PPP2R1B: variants seen among roughly 807,000 people sequenced by gnomAD.
PPP2R1B encodes the protein serine/threonine-protein phosphatase 2A 65 kDa regulatory subunit A beta isoform.
PPP2R1B carries 58 observed loss-of-function variants against 72.7 expected under a neutral mutation model. That is an observed-to-expected ratio of 0.80 (90% CI 0.65 to 0.99). The LOEUF is 0.99. Among genes scored for constraint, PPP2R1B ranks in the 50% least tolerant of loss-of-function variants. The probability of loss-of-function intolerance (pLI) is 0.00; values close to 1 mark genes in which losing one functional copy is unlikely to be tolerated. For missense variants in PPP2R1B, 695 were observed against 733.6 expected (o/e 0.95, Z 0.61); for synonymous variants, 256 against 264.6 (o/e 0.97, Z 0.32).
In PPP2R1B at chr11:111,739,738, C is replaced by T. The variant is rs1415199621; in HGVS notation, c.*1858G>A. ...AAATATGAAATTCAATGAAGAAGAA[C>T]ATAACTTGCAGGTAACAAAAAATAA... On this transcript the variant is annotated 3_prime_UTR_variant, in exon 15 of 15. Transcript: ENST00000527614. 1.0e-6 allele frequency: 1 copy of T among 982,578 alleles called. No homozygotes were observed. The highest frequency in any genetic ancestry group is 1.2e-6 in the Non-Finnish European group (1 of 827,494). 60.9% of individuals were successfully genotyped at this position (982,578 alleles called of 1,614,324 possible).
chr11:111,747,904 T>C (rs2136063381), intron 11 of PPP2R1B, 50 bp downstream of exon 11: 1 of 1,531,166 alleles, frequency 6.5e-7, no homozygotes, highest in East Asian at 2.3e-5. Flanking sequence ...AGGAAATGTA[T>C]GAAAATCATG....
rs556195211 is a variant in PPP2R1B at position 111,754,246 on chromosome 11, A to G, written c.1029+253T>C. ...GGAATTTAAAGACAGCACTATTTCAATACTGATTAGTTGATAATGTTTCCT... is the reference window on the plus strand; with the variant it reads ...GGAATTTAAAGACAGCACTATTTCAGTACTGATTAGTTGATAATGTTTCCT... On this transcript the variant is annotated intron_variant, in intron 8 of 14. Coordinates refer to ENST00000527614, the MANE Select transcript of PPP2R1B (RefSeq NM_002716.5). Among the ~76,000 whole-genome samples, 11 of 152,338 alleles carry G rather than the reference A, an allele frequency of 7.2e-5. No homozygotes were observed. The Middle Eastern group carries it at 0.017, about 237-fold the overall frequency.
intron 10 of PPP2R1B, 45 bp downstream of exon 10, chr11:111,752,114 A>G: frequency 6.6e-7 from 1 of 1,523,396 alleles, no homozygotes; most frequent in Non-Finnish European, 8.8e-7. Context: ...GTAAATTGTC[A>G]CTATCTGACA....
At chr11:111,698,961 C>T in the PPP2R1B span, among the ~76,000 whole-genome samples, 4 of 152,060 alleles carry the variant, frequency 2.6e-5, no homozygotes, top group East Asian at 1.9e-4. Flanking sequence ...ATCTAGTTTT[C>T]GACTCATGGG....
the PPP2R1B span, among the ~76,000 whole-genome samples, chr11:111,717,647 G>A: frequency 6.6e-6 from 1 of 152,338 alleles, no homozygotes; most frequent in South Asian, 2.1e-4. Flanking sequence ...GCATGAGTCT[G>A]CTCGTTGCAG....
intron 7 of PPP2R1B, 111 bp downstream of exon 7, chr11:111,754,869 C>A: frequency 1.0e-6 from 1 of 980,508 alleles, no homozygotes. Flanking sequence ...CTAAAAACAT[C>A]CCTATGTATT....
downstream of PPP2R1B, chr11:111,737,739 G>A (rs1426918167): frequency 7.4e-7 from 1 of 1,350,886 alleles, no homozygotes; most frequent in African/African-American, 1.5e-5. Flanking sequence ...GGGCAGCCCA[G>A]GGTCGTGCTG....
At chr11:111,688,630 G>A in the PPP2R1B span, among the ~76,000 whole-genome samples, 1 of 152,186 alleles carries the variant, frequency 6.6e-6, no homozygotes, top group Admixed American at 6.5e-5. The surrounding 1 kb of genome is among the most constrained non-coding windows in gnomAD (Gnocchi z 4.2). Context: ...TGATACGATA[G>A]GGTTTTGATT....
the PPP2R1B span, among the ~76,000 whole-genome samples, chr11:111,700,190 A>G: frequency 1.3e-5 from 2 of 152,232 alleles, no homozygotes; most frequent in African/African-American, 4.8e-5. Flanking sequence ...TCAAAACTGT[A>G]GAGTCAGTAT....
intron 15 of PPP2R1B, among the ~76,000 whole-genome samples, chr11:111,732,684 T>C (rs1944231248): frequency 6.6e-6 from 1 of 152,028 alleles, no homozygotes; most frequent in Non-Finnish European, 1.5e-5. Context: ...CAGCAAGACT[T>C]CATCTCAAAA....
the PPP2R1B span, chr11:111,720,855 C>G: frequency 6.2e-7 from 1 of 1,601,606 alleles, no homozygotes; most frequent in Non-Finnish European, 8.5e-7. Flanking sequence ...ACTGAAAGGC[C>G]TTGTATTTTA....
intron 1 of PPP2R1B, 25 bp from the exon 2 acceptor site, chr11:111,765,409 G>C (rs928076787): frequency 1.3e-6 from 2 of 1,567,874 alleles, no homozygotes; most frequent in Non-Finnish European, 8.7e-7. Context: ...GTAGAAAGAA[G>C]AACAATGTAA....
intron 3 of PPP2R1B, among the ~76,000 whole-genome samples, chr11:111,763,511 T>G (rs1466217961): frequency 2.0e-5 from 3 of 152,206 alleles, no homozygotes; most frequent in Non-Finnish European, 4.4e-5. Flanking sequence ...GCTAGGAAGC[T>G]ACTACAGCAA....
intron 1 of PPP2R1B, 55 bp from the exon 2 acceptor site, chr11:111,765,439 T>C: frequency 7.0e-7 from 1 of 1,422,226 alleles, no homozygotes; most frequent in South Asian, 1.2e-5. Context: ...TGAATTTAGA[T>C]CAAAAGACAA....
At chr11:111,715,322 G>C in the PPP2R1B span, among the ~76,000 whole-genome samples, 1 of 152,064 alleles carries the variant, frequency 6.6e-6, no homozygotes, top group Non-Finnish European at 1.5e-5. Context: ...CACACACACA[G>C]AAAAACTTAT....
chr11:111,724,906 CAA>C (rs1644497044), downstream of PPP2R1B: 1 of 152,304 alleles, frequency 6.6e-6, no homozygotes, highest in African/African-American at 2.4e-5. Flanking sequence ...GCAAGAAACT[CAA>C]GAACGCATCA....
chr11:111,746,086 C>G (rs1281490478), intron 11 of PPP2R1B, among the ~76,000 whole-genome samples: 1 of 152,142 alleles, frequency 6.6e-6, no homozygotes, highest in African/African-American at 2.4e-5. Context: ...ATAGAGAAGA[C>G]AATCTTACAG....
the PPP2R1B span, chr11:111,720,713 A>T: frequency 6.2e-7 from 1 of 1,612,114 alleles, no homozygotes; most frequent in African/African-American, 1.3e-5. Context: ...ACAGGTCTCC[A>T]GTGAGCTTCA....
chr11:111,729,381 A>G (rs1490733056), intron 15 of PPP2R1B: 2 of 152,254 alleles, frequency 1.3e-5, no homozygotes, highest in Non-Finnish European at 2.9e-5. Flanking sequence ...AATAGCTTAT[A>G]TTTGTACATT....
Sources: gnomAD v4.1 joint callset for allele counts (sites outside exome capture counted in the v4.1 genomes callset) on GRCh38, gnomAD v4.1.1 for gene constraint, Gnocchi (gnomAD v3.1) non-coding constraint, MANE v1.5 for transcripts, NCBI Gene and HGNC (gene_info 2026-07-23, HGNC 2026-07-21) for gene names.